Variants in DOCK6 observed in about 807,000 individuals in gnomAD.
DOCK6 encodes the protein dedicator of cytokinesis protein 6.
DOCK6 carries 167 observed loss-of-function variants against 230.3 expected under a neutral mutation model. That is an observed-to-expected ratio of 0.73 (90% CI 0.64 to 0.82). The LOEUF is 0.82. Ranked by LOEUF, DOCK6 falls within the 40% of genes least tolerant of loss-of-function variation. The probability of loss-of-function intolerance (pLI) is 0.00; values close to 1 mark genes in which losing one functional copy is unlikely to be tolerated. For synonymous variants in DOCK6, 1,148 were observed against 1,185.0 expected (o/e 0.97, Z 0.64); for missense variants, 2,598 against 2,825.8 (o/e 0.92, Z 1.83).
In DOCK6 at chr19:11,253,658, C is replaced by A; in HGVS notation, c.113G>T (p.Arg38Leu). ...ACTTACCCCCAGGGAGCTGCTGCAG[C>A]GCCTGCTGGAGTGGGGGGAGCCACT... Reference protein sequence around the residue: ...ERSGSPHSSRRCSSSLGVPLT... With the variant: ...ERSGSPHSSRLCSSSLGVPLT... Residue 38 changes from arginine (R) to leucine (L), a missense_variant, in exon 2 of 48, where the codon CGC becomes CTC. Arg to Leu is a moderately radical substitution (Grantham distance 102). Coordinates refer to ENST00000294618, the MANE Select transcript of DOCK6 (RefSeq NM_020812.4). 6.9e-7 allele frequency: 1 copy of A among 1,451,940 alleles called. No homozygotes were observed. 89.9% of individuals were successfully genotyped at this position (1,451,940 alleles called of 1,614,324 possible). A position where few individuals can be genotyped will look rare whatever the true frequency, so the allele number is the denominator to read the frequency against.
rs754100528 is a variant in DOCK6, at chr19:11,213,185, C to T, written c.4482G>A (p.Glu1494=). The T allele has an allele frequency of 6.2e-7, 1 of 1,612,000 alleles. No homozygotes were observed. The highest frequency in any genetic ancestry group is 8.5e-7 in the Non-Finnish European group (1 of 1,178,966). ...SLYLLMRQNF[E]IGHNFARVKM... ...CCTAGCCCCCACTCACGTGGCCGAT[C>T]TCGAAGTTCTGTCGCATGAGCAGGT... is the stretch of plus-strand genomic sequence containing the variant. The change falls in exon 35 of 48, where the codon GAG becomes GAA. Residue 1494 remains glutamate (E), a synonymous_variant. Transcript: ENST00000294618.
At chr19:11,207,879 A>G (rs1368715968) in intron 39 of DOCK6, among the ~76,000 whole-genome samples, 1 of 152,100 alleles carries the variant, frequency 6.6e-6, no homozygotes, top group Non-Finnish European at 1.5e-5. Flanking sequence ...GTAGTGAGCC[A>G]TGATCACGCC....
In DOCK6 at chr19:11,242,041, G is replaced by A. The variant is rs372090483; in HGVS notation, c.1643+4C>T. 2.4e-5 allele frequency: 38 copies of A among 1,567,398 alleles called. No individual in the cohort carries two copies. Among genetic ancestry groups the A allele is most frequent in the African/African-American group, 2.8e-5 (2 of 72,194 alleles). Reference sequence around the variant, plus strand: ...AGTGCCCAGCTGGGCCCCAGAGGCCGTACCTGTAGCTGGTATGGGGGGCAT... The same window carrying A: ...AGTGCCCAGCTGGGCCCCAGAGGCCATACCTGTAGCTGGTATGGGGGGCAT... On this transcript the variant is annotated splice_donor_region_variant and intron_variant, in intron 14 of 47. Coordinates refer to ENST00000294618, the MANE Select transcript of DOCK6 (RefSeq NM_020812.4).
At chr19:11,233,052 AC>A in intron 22 of DOCK6, 150 bp downstream of exon 22, 1 of 1,112,532 alleles carries the variant, frequency 9.0e-7, no homozygotes, top group South Asian at 1.6e-5. Flanking sequence ...ACAACCTGTG[AC>A]AGCCCAGCCC....
chr19:11,246,071 G>T lies in DOCK6; in HGVS notation c.807-193C>A, dbSNP rs371524854. On this transcript the variant is annotated intron_variant, in intron 7 of 47. Coordinates refer to ENST00000294618, the MANE Select transcript of DOCK6 (RefSeq NM_020812.4). ...ACTGAGGCACTGAAGTTTTTTGTTG[G>T]TTTTTTTTTTTTTGAGACAGAGTCT... Among the ~76,000 whole-genome samples, 2,351 of 144,202 alleles carry T rather than the reference G, an allele frequency of 0.016. 60 individuals carry two copies. Among genetic ancestry groups the T allele is most frequent in the African/African-American group, 0.055 (2,184 of 39,736 alleles). The allele number at this position is 144,202 out of a possible 152,430, so 94.6% of individuals were successfully genotyped here.
At chr19:11,207,000 A>G (rs1168125673) in intron 39 of DOCK6, among the ~76,000 whole-genome samples, 2 of 151,784 alleles carry the variant, frequency 1.3e-5, no homozygotes, top group Non-Finnish European at 2.9e-5. Context: ...ATGCCCAGCT[A>G]ATTTTTGTAT....
Position 11,236,226 on chromosome 19 carries a change from A to AT in DOCK6, c.2392+119dup. Reference sequence around the variant, plus strand: ...CTCTGGGTGCAGGGGACTGGAGGTCATTTTTCAGATGAGAAAAATGGCCAG... The same window carrying AT: ...CTCTGGGTGCAGGGGACTGGAGGTCATTTTTTCAGATGAGAAAAATGGCCAG... On this transcript the variant is annotated intron_variant, in intron 20 of 47. Coordinates refer to ENST00000294618, the MANE Select transcript of DOCK6 (RefSeq NM_020812.4). The surrounding 1 kb of genome is among the most constrained non-coding windows in gnomAD (Gnocchi z 5.2). The AT allele has an allele frequency of 9.8e-7, 1 of 1,022,840 alleles. No individual in the cohort carries two copies. The highest frequency in any genetic ancestry group is 1.4e-6 in the Non-Finnish European group (1 of 712,220). 63.4% of individuals were successfully genotyped at this position (1,022,840 alleles called of 1,614,324 possible).
intron 9 of DOCK6, among the ~76,000 whole-genome samples, 158 bp downstream of exon 9, chr19:11,245,405 C>CTGCCT (rs1388508167): frequency 1.1e-4 from 17 of 152,278 alleles, no homozygotes; most frequent in African/African-American, 3.9e-4. Flanking sequence ...TGATTTCTCC[C>CTGCCT]CACCTGAGTT....
In DOCK6 at chr19:11,213,188, G is replaced by C. The variant is rs146048288; in HGVS notation, c.4479C>G (p.Phe1493Leu). ...AGCCCCCACTCACGTGGCCGATCTC[G>C]AAGTTCTGTCGCATGAGCAGGTACA... Reference protein sequence around the residue: ...ASLYLLMRQNFEIGHNFARVK... With the variant: ...ASLYLLMRQNLEIGHNFARVK... Residue 1493 changes from phenylalanine to leucine, a missense_variant, in exon 35 of 48, where the codon TTC becomes TTG. Physicochemically the swap from Phe to Leu is conservative, Grantham distance 22. Transcript: ENST00000294618. 2 of 1,611,998 alleles carry C rather than the reference G, an allele frequency of 1.2e-6. No individual in the cohort carries two copies. The highest frequency in any genetic ancestry group is 1.7e-6 in the Non-Finnish European group (2 of 1,179,038).
Position 11,200,564 on chromosome 19 carries a change from G to C in DOCK6, c.5940-95C>G. The C allele has an allele frequency of 6.5e-7, 1 of 1,536,058 alleles. No homozygotes were observed. The highest frequency in any genetic ancestry group is 1.4e-5 in the African/African-American group (1 of 73,096). On this transcript the variant is annotated intron_variant, in intron 46 of 47. Transcript: ENST00000294618. The surrounding 1 kb of genome is among the most constrained non-coding windows in gnomAD (Gnocchi z 4.3). Reference sequence around the variant, plus strand: ...GCACCCATAAGGCGGGACCAGGCCTGCAGAAAGACCCGCAATAGGAGGTCA... The same window carrying C: ...GCACCCATAAGGCGGGACCAGGCCTCCAGAAAGACCCGCAATAGGAGGTCA...
At chr19:11,206,312 T>C (rs1380425897) in intron 39 of DOCK6, 1 of 151,978 alleles carries the variant, frequency 6.6e-6, no homozygotes, top group Non-Finnish European at 1.5e-5. Flanking sequence ...CCCAGCACTT[T>C]GGAAGGCCGA....
chr19:11,243,343 TGGGGCCCCCGACGGC>T lies in DOCK6; in HGVS notation c.1286_1300del (p.Arg429_Pro433del). On this transcript the variant is annotated inframe_deletion, in exon 12 of 48. Coordinates refer to ENST00000294618, the MANE Select transcript of DOCK6 (RefSeq NM_020812.4). This position sits in a 1 kb window ranked among gnomAD's most constrained non-coding sequence, Gnocchi z 6.3. ...GTCGTCCCCACTACTCGCCCGGTCC[TGGGGCCCCCGACGGC>T]GGCGGTCTGTCCAGGCTGGCCGGCG... The T allele has an allele frequency of 6.3e-7, 1 of 1,599,812 alleles. No homozygotes were observed.
At position 11,236,079 on chromosome 19, in the gene DOCK6, C is replaced by A. The variant is rs2147826965; in HGVS notation, c.2392+267G>T. On this transcript the variant is annotated intron_variant, in intron 20 of 47. Transcript: ENST00000294618. The surrounding 1 kb of genome is among the most constrained non-coding windows in gnomAD (Gnocchi z 5.2). ...ATTTTTAGTAGAGAAGGGGTTTCTCCATGTTGGTCAGGCTGGTCTCAAACT... is the reference window on the plus strand; with the variant it reads ...ATTTTTAGTAGAGAAGGGGTTTCTCAATGTTGGTCAGGCTGGTCTCAAACT... The A allele has an allele frequency of 1.9e-6, 1 of 520,452 alleles. No homozygotes were observed. Among genetic ancestry groups the A allele is most frequent in the East Asian group, 3.3e-5 (1 of 30,078 alleles). 32.2% of individuals were successfully genotyped at this position (520,452 alleles called of 1,614,324 possible).
At position 11,243,511 on chromosome 19, in the gene DOCK6, A is replaced by T. The variant is rs781540137; in HGVS notation, c.1258+46T>A. On this transcript the variant is annotated intron_variant, in intron 11 of 47. Coordinates refer to ENST00000294618, the MANE Select transcript of DOCK6 (RefSeq NM_020812.4). The surrounding 1 kb of genome is among the most constrained non-coding windows in gnomAD (Gnocchi z 6.3). ...GTAGCCCCGCCCCAGGCCTGTCAGC[A>T]CCACCCTTTAGCCCCGCCCCAAGCC... The T allele has an allele frequency of 3.9e-6, 6 of 1,555,554 alleles. No individual in the cohort carries two copies. In the Admixed American group the frequency reaches 1.1e-4, roughly 30 times the overall value.
intron 22 of DOCK6, chr19:11,232,130 A>C: frequency 2.4e-6 from 3 of 1,226,234 alleles, no homozygotes; most frequent in South Asian, 1.3e-5. Flanking sequence ...GGAAGGTGGG[A>C]GGAGCTCATG....
In DOCK6 at chr19:11,202,784, T is replaced by C. The variant is rs539358317; in HGVS notation, c.5236-75A>G. 1.8e-4 allele frequency: 289 copies of C among 1,601,946 alleles called. No homozygotes were observed. Among genetic ancestry groups the C allele is most frequent in the Middle Eastern group, 8.4e-4 (5 of 5,978 alleles). Reference sequence around the variant, plus strand: ...TCTCCCTGCCCCAGAGATAGGTGTCTCGAATATCAGGATGGGAGTGTGAGG... The same window carrying C: ...TCTCCCTGCCCCAGAGATAGGTGTCCCGAATATCAGGATGGGAGTGTGAGG... On this transcript the variant is annotated intron_variant, in intron 41 of 47. Coordinates refer to ENST00000294618, the MANE Select transcript of DOCK6 (RefSeq NM_020812.4). The surrounding 1 kb of genome is among the most constrained non-coding windows in gnomAD (Gnocchi z 5.3).
At chr19:11,241,371 G>A in intron 14 of DOCK6, 1 of 924,012 alleles carries the variant, frequency 1.1e-6, no homozygotes, top group Non-Finnish European at 1.7e-6. Flanking sequence ...GATACAATGA[G>A]GGGCTGGGGC....
At chr19:11,214,437 G>A (rs372253487) in intron 33 of DOCK6, 28 bp from the exon 34 acceptor site, 5 of 1,613,556 alleles carry the variant, frequency 3.1e-6, no homozygotes, top group Admixed American at 3.3e-5. Context: ...AGAAATCCAG[G>A]TGTTAGAGCC....
rs1376598850 is a variant in DOCK6 at position 11,216,939 on chromosome 19, A to C, written c.3869T>G (p.Leu1290Arg). 1.9e-5 allele frequency: 30 copies of C among 1,613,722 alleles called. No individual in the cohort carries two copies. The highest frequency in any genetic ancestry group is 2.5e-5 in the Non-Finnish European group (29 of 1,179,882). The change falls in exon 30 of 48, where the codon CTT becomes CGT. Residue 1290 changes from leucine to arginine, a missense_variant. Transcript: ENST00000294618. ...CTTGTACTCAAAGGCAGCTAGGCAA[A>C]GGTACAGCAAATCCAACAGACGTCC... ...QLGRLLDLLY[L>R]CLAAFEYKGK...
Sources: gnomAD v4.1 joint callset for allele counts (sites outside exome capture counted in the v4.1 genomes callset) on GRCh38, gnomAD v4.1.1 for gene constraint, Gnocchi (gnomAD v3.1) non-coding constraint, MANE v1.5 for transcripts, NCBI Gene and HGNC (gene_info 2026-07-23, HGNC 2026-07-21) for gene names.